The following GRIK2 variants were observed in gnomAD, a reference collection of about 807,000 sequenced individuals.
The protein encoded by GRIK2 is glutamate receptor ionotropic, kainate 2.
Under a neutral mutation model 100.3 loss-of-function variants are expected in GRIK2, and 32 were observed. The observed-to-expected ratio is 0.32, with a 90% CI of 0.24 to 0.43. GRIK2 has a LOEUF of 0.43. GRIK2 is among the 20% of genes least tolerant of loss of function. GRIK2 has a pLI of 1.00. For missense variants in GRIK2, 843 were observed against 1,114.9 expected, an observed-to-expected ratio of 0.76 and a Z score of 3.47; for synonymous variants, 417 against 389.4, an observed-to-expected ratio of 1.07 and a Z score of -0.83.
intron 7 of GRIK2, among the ~76,000 whole-genome samples, chr6:101,694,712 G>A (rs1233398163): frequency 2.0e-5 from 3 of 151,900 alleles, no homozygotes; most frequent in Admixed American, 6.6e-5. Flanking sequence ...CTACTAGTTT[G>A]CATTCAGGGT....
chr6:101,744,565 T>C lies in GRIK2; in HGVS notation c.952-55083T>C, dbSNP rs1776304878. ...ATATATATATATATATATATCACAA[T>C]TTCTTTTTCTTTTTCTTTTTTTTTT... On this transcript the variant is annotated intron_variant, in intron 7 of 16. Transcript: ENST00000369134. 6 of 121,764 alleles carry C rather than the reference T, an allele frequency of 4.9e-5. No individual in the cohort carries two copies. The South Asian group carries it at 1.7e-3, about 34-fold the overall frequency. 7.5% of individuals were successfully genotyped at this position (121,764 alleles called of 1,614,324 possible).
chr6:101,603,437 G>C (rs1015524142), intron 2 of GRIK2, among the ~76,000 whole-genome samples: 1 of 151,550 alleles, frequency 6.6e-6, no homozygotes, highest in Admixed American at 6.6e-5. Flanking sequence ...CAAGAATTTT[G>C]GTTGGGCTAC....
intron 2 of GRIK2, among the ~76,000 whole-genome samples, chr6:101,402,161 T>A (rs1775345869): frequency 6.6e-6 from 1 of 151,764 alleles, no homozygotes; most frequent in Admixed American, 6.6e-5. Flanking sequence ...GTCCCTCGCC[T>A]CCCCCGCCCG....
At chr6:101,788,030 T>C (rs990310798) in intron 7 of GRIK2, among the ~76,000 whole-genome samples, 2 of 152,152 alleles carry the variant, frequency 1.3e-5, no homozygotes, top group African/African-American at 4.8e-5. Context: ...TTGATCCCTT[T>C]GTCATTATAT....
chr6:101,463,041 G>A (rs1771418349), intron 2 of GRIK2, among the ~76,000 whole-genome samples: 1 of 152,110 alleles, frequency 6.6e-6, no homozygotes, highest in African/African-American at 2.4e-5. Context: ...ATAAATCAAT[G>A]GTTAGCCATC....
intron 9 of GRIK2, among the ~76,000 whole-genome samples, chr6:101,810,410 G>A (rs529188022): frequency 4.6e-4 from 70 of 151,914 alleles, no homozygotes; most frequent in African/African-American, 1.6e-3. Context: ...CTGATTTATT[G>A]TACTCATATT....
intron 12 of GRIK2, among the ~76,000 whole-genome samples, chr6:101,924,027 G>T (rs1789728950): frequency 6.6e-6 from 1 of 150,428 alleles, no homozygotes; most frequent in South Asian, 2.1e-4. Flanking sequence ...GCGTGTATTA[G>T]AATGCAGTAG....
chr6:101,540,613 A>G (rs1340133748), intron 2 of GRIK2, among the ~76,000 whole-genome samples: 2 of 151,982 alleles, frequency 1.3e-5, no homozygotes, highest in Non-Finnish European at 2.9e-5. Context: ...CTTTCTGATA[A>G]CTAGAAGCAT....
intron 14 of GRIK2, among the ~76,000 whole-genome samples, chr6:102,021,190 A>G (rs1362455412): frequency 5.3e-5 from 8 of 151,798 alleles, no homozygotes; most frequent in Non-Finnish European, 1.2e-4. Context: ...AAGTTCAAAT[A>G]CTATTGTATT....
At chr6:101,736,691 G>C (rs1218502264) in intron 7 of GRIK2, among the ~76,000 whole-genome samples, 1 of 152,204 alleles carries the variant, frequency 6.6e-6, no homozygotes, top group Non-Finnish European at 1.5e-5. Flanking sequence ...CTCTGGGCCT[G>C]TGATGGGAGG....
chr6:101,447,693 A>T (rs893242091), intron 2 of GRIK2, among the ~76,000 whole-genome samples: 1 of 151,652 alleles, frequency 6.6e-6, no homozygotes. Flanking sequence ...ATTTATGACC[A>T]TCTTGAACTA....
intron 14 of GRIK2, among the ~76,000 whole-genome samples, chr6:102,023,662 T>C (rs1769545216): frequency 1.3e-5 from 2 of 151,558 alleles, no homozygotes; most frequent in Non-Finnish European, 3.0e-5. Context: ...TTGAAAGAGA[T>C]ACTAAGCTTT....
At chr6:101,700,041 T>G (rs1429577700) in intron 7 of GRIK2, among the ~76,000 whole-genome samples, 1 of 151,878 alleles carries the variant, frequency 6.6e-6, no homozygotes, top group Non-Finnish European at 1.5e-5. Context: ...TCCCAGCTCT[T>G]TGGCAGTCTG....
intron 8 of GRIK2, 47 bp from the exon 9 acceptor site, chr6:101,802,284 C>T (rs373827303): frequency 2.8e-6 from 2 of 713,192 alleles, no homozygotes; most frequent in Non-Finnish European, 4.6e-6. Context: ...AATGTTTATT[C>T]CATCTTTCTT....
chr6:101,917,223 T>TA, intron 12 of GRIK2, among the ~76,000 whole-genome samples: 1 of 151,658 alleles, frequency 6.6e-6, no homozygotes, highest in South Asian at 2.1e-4. Context: ...ATCCAATTTC[T>TA]AAAAATACTC....
At chr6:101,428,727 G>A (rs951398315) in intron 2 of GRIK2, among the ~76,000 whole-genome samples, 1 of 152,090 alleles carries the variant, frequency 6.6e-6, no homozygotes, top group Non-Finnish European at 1.5e-5. Context: ...GAGTTTAAAA[G>A]CAAAGGACAT....
At chr6:102,049,298 G>T (rs1340023435) in intron 15 of GRIK2, among the ~76,000 whole-genome samples, 1 of 152,102 alleles carries the variant, frequency 6.6e-6, no homozygotes, top group Non-Finnish European at 1.5e-5. Context: ...AAAATCTAAT[G>T]AAGGGGCAAC....
At chr6:101,863,917 C>T (rs1337532340) in intron 11 of GRIK2, among the ~76,000 whole-genome samples, 1 of 151,204 alleles carries the variant, frequency 6.6e-6, no homozygotes, top group Non-Finnish European at 1.5e-5. Context: ...GCGGGTGGAT[C>T]ATGAGGTCAG....
chr6:102,033,674 A>G (rs1770117098), intron 14 of GRIK2, among the ~76,000 whole-genome samples: 1 of 151,340 alleles, frequency 6.6e-6, no homozygotes, highest in African/African-American at 2.4e-5. Flanking sequence ...TATGAGAACT[A>G]AAACAGTTTG....
Sources: allele counts gnomAD v4.1 joint callset (sites outside exome capture counted in the v4.1 genomes callset), GRCh38; gene constraint gnomAD v4.1.1; transcripts MANE v1.5; gene names NCBI Gene and HGNC (gene_info 2026-07-23, HGNC 2026-07-21).